The following MAML3 variants were observed in gnomAD, a reference collection of about 807,000 sequenced individuals.
MAML3 encodes mastermind like transcriptional coactivator 3.
MAML3 carries 27 observed loss-of-function variants against 101.9 expected under a neutral mutation model. That is an observed-to-expected ratio of 0.27 (90% CI 0.20 to 0.37). The LOEUF (loss-of-function observed/expected upper bound fraction) is 0.37. Among genes scored for constraint, MAML3 ranks in the 10% least tolerant of loss-of-function variants. The probability of loss-of-function intolerance (pLI) is 1.00; values close to 1 mark genes in which losing one functional copy is unlikely to be tolerated. For synonymous variants in MAML3, 501 were observed against 555.9 expected, an observed-to-expected ratio of 0.90 and a Z score of 1.39; for missense variants, 1,316 against 1,444.9, an observed-to-expected ratio of 0.91 and a Z score of 1.45.
At chr4:139,974,709 G>T (rs1317706395) in intron 1 of MAML3, among the ~76,000 whole-genome samples, 1 of 151,972 alleles carries the variant, frequency 6.6e-6, no homozygotes, top group African/African-American at 2.4e-5. Context: ...ATAATATATG[G>T]TGAAGTCCAG....
At chr4:139,972,107 T>A (rs1734243244) in intron 1 of MAML3, among the ~76,000 whole-genome samples, 1 of 152,198 alleles carries the variant, frequency 6.6e-6, no homozygotes, top group African/African-American at 2.4e-5. Flanking sequence ...GATGTACAGG[T>A]TTGTTACATA....
At position 139,779,818 on chromosome 4, in the gene MAML3, T is replaced by C. The variant is rs555954329; in HGVS notation, c.2080-49151A>G. The stretch of plus-strand genomic sequence containing the variant: ...GCTTGACAATAACCAGGCTTGACTA[T>C]GGAGGCCCTTTCTCCACCCTGCAAT... On this transcript the variant is annotated intron_variant, in intron 2 of 4. Transcript: ENST00000509479. 1.6e-4 allele frequency among the ~76,000 whole-genome samples: 24 copies of C among 152,328 alleles called. No homozygotes were observed. The East Asian group carries it at 3.1e-3, about 20-fold the overall frequency.
At position 140,084,502 on chromosome 4, in the gene MAML3, T is replaced by C. The variant is rs373024900; in HGVS notation, c.468+68358A>G. On this transcript the variant is annotated intron_variant, in intron 1 of 4. Coordinates refer to ENST00000509479, the MANE Select transcript of MAML3 (RefSeq NM_018717.5). ...GTATTTCTTTATACATTTTCACTAC[T>C]AGATCAGCCATTTGAAGGTTTATTT... 1.4e-4 allele frequency among the ~76,000 whole-genome samples: 22 copies of C among 152,310 alleles called. No individual in the cohort carries two copies. The East Asian group carries it at 3.9e-3, about 27-fold the overall frequency.
chr4:139,813,291 C>T (rs1188653074), intron 2 of MAML3, among the ~76,000 whole-genome samples: 1 of 152,102 alleles, frequency 6.6e-6, no homozygotes, highest in African/African-American at 2.4e-5. Flanking sequence ...ATAAAAGAAA[C>T]TTTCACAGAA....
chr4:140,035,836 C>T (rs1280556443), intron 1 of MAML3, among the ~76,000 whole-genome samples: 1 of 151,834 alleles, frequency 6.6e-6, no homozygotes, highest in African/African-American at 2.4e-5. Flanking sequence ...AGTTTAGCAC[C>T]AAATTGCTCT....
intron 2 of MAML3, among the ~76,000 whole-genome samples, chr4:139,819,326 G>A (rs1730938832): frequency 6.6e-6 from 1 of 152,308 alleles, no homozygotes; most frequent in Admixed American, 6.5e-5. Context: ...CTGCAGTGAT[G>A]AGAGACATGG....
Position 139,719,772 on chromosome 4 carries a change from G to A in MAML3, c.2968C>T (p.Leu990Phe). ...GPFNNGASYP[L>F]QAGQPRLTKQ... The stretch of plus-strand genomic sequence containing the variant: ...GTCAGTCTCGGCTGCCCAGCTTGAA[G>A]AGGGTAGCTGGCGCCATTGTTGAAT... The change falls in exon 5 of 5, where the codon CTT becomes TTT. Residue 990 changes from leucine to phenylalanine, a missense_variant. Transcript: ENST00000509479. 1 of 1,613,712 alleles carries A rather than the reference G, an allele frequency of 6.2e-7. No homozygotes were observed. The highest frequency in any genetic ancestry group is 8.5e-7 in the Non-Finnish European group (1 of 1,179,894).
chr4:140,151,438 C>G (rs1578711999), intron 1 of MAML3, among the ~76,000 whole-genome samples: 1 of 151,940 alleles, frequency 6.6e-6, no homozygotes, highest in East Asian at 2.0e-4. Context: ...CCCAAGCCGA[C>G]TCTTTGTCAC....
chr4:139,790,121 T>C lies in MAML3; in HGVS notation c.2080-59454A>G, dbSNP rs914965061. Reference sequence around the variant, plus strand: ...TCTTTGAGGATGGTGTTCTCATCTCTGGGGCAGACGGCTTGGGAGAAACAG... The same window carrying C: ...TCTTTGAGGATGGTGTTCTCATCTCCGGGGCAGACGGCTTGGGAGAAACAG... On this transcript the variant is annotated intron_variant, in intron 2 of 4. Coordinates refer to ENST00000509479, the MANE Select transcript of MAML3 (RefSeq NM_018717.5). Among the ~76,000 whole-genome samples, 2 of 150,678 alleles carry C rather than the reference T, an allele frequency of 1.3e-5. 1 individual carries two copies. The highest frequency in any genetic ancestry group is 4.9e-5 in the African/African-American group (2 of 40,824).
intron 1 of MAML3, among the ~76,000 whole-genome samples, chr4:140,106,258 T>A (rs1196657082): frequency 6.6e-6 from 1 of 152,038 alleles, no homozygotes; most frequent in East Asian, 1.9e-4. Flanking sequence ...GAAGCAAGGG[T>A]AGATTGACTA....
chr4:140,091,543 C>CAAAAAAAAAAAAA (rs1186102121), intron 1 of MAML3, among the ~76,000 whole-genome samples: 5 of 108,266 alleles, frequency 4.6e-5, no homozygotes, highest in East Asian at 3.1e-4. Context: ...AAAACAAAAA[C>CAAAAAAAAAAAAA]AAAACAAAAA....
intron 1 of MAML3, among the ~76,000 whole-genome samples, chr4:140,118,022 A>AT (rs1162746387): frequency 3.3e-5 from 5 of 152,004 alleles, no homozygotes; most frequent in African/African-American, 7.2e-5. Flanking sequence ...CACTAAATTT[A>AT]TTTTTTTTAA....
chr4:139,749,564 G>A (rs879437832), intron 2 of MAML3, among the ~76,000 whole-genome samples: 5 of 152,192 alleles, frequency 3.3e-5, no homozygotes, highest in Admixed American at 6.5e-5. Context: ...GGTGGGGGGC[G>A]CCGATCAGAG....
intron 2 of MAML3, among the ~76,000 whole-genome samples, chr4:139,828,514 G>T (rs2111130310): frequency 6.6e-6 from 1 of 152,326 alleles, no homozygotes; most frequent in African/African-American, 2.4e-5. Context: ...ACTAGGCATT[G>T]TCTGGATAGT....
chr4:139,885,684 G>A (rs1173768269), intron 2 of MAML3, among the ~76,000 whole-genome samples: 1 of 150,900 alleles, frequency 6.6e-6, no homozygotes. Flanking sequence ...AGTAATTTGG[G>A]AGGCTGAGGC....
At chr4:139,963,570 C>T (rs1349915410) in intron 1 of MAML3, among the ~76,000 whole-genome samples, 1 of 152,100 alleles carries the variant, frequency 6.6e-6, no homozygotes, top group African/African-American at 2.4e-5. Context: ...GCCAATAATA[C>T]CTTGTGTCAA....
At chr4:139,754,297 T>C (rs902462381) in intron 2 of MAML3, among the ~76,000 whole-genome samples, 1 of 152,246 alleles carries the variant, frequency 6.6e-6, no homozygotes, top group African/African-American at 2.4e-5. Context: ...TTCTTCTTGA[T>C]TATAAATTTA....
At chr4:140,141,013 G>A (rs780685461) in intron 1 of MAML3, among the ~76,000 whole-genome samples, 6 of 152,076 alleles carry the variant, frequency 3.9e-5, no homozygotes, top group Non-Finnish European at 5.9e-5. Context: ...GCCAAAACAC[G>A]GCTATTTAGA....
At chr4:139,725,730 G>C (rs1459865236) in intron 4 of MAML3, 21 bp downstream of exon 4, 3 of 1,611,164 alleles carry the variant, frequency 1.9e-6, no homozygotes, top group Non-Finnish European at 1.7e-6. Flanking sequence ...TATAAAATGA[G>C]AGAGGTTGCA....
Sources: allele counts gnomAD v4.1 joint callset (sites outside exome capture counted in the v4.1 genomes callset), GRCh38; gene constraint gnomAD v4.1.1; transcripts MANE v1.5; gene names NCBI Gene and HGNC (gene_info 2026-07-23, HGNC 2026-07-21).